The following MCTP1 variants were observed in gnomAD, a reference collection of about 807,000 sequenced individuals.
MCTP1 encodes multiple C2 and transmembrane domain containing 1.
Under a neutral mutation model 120.6 loss-of-function variants are expected in MCTP1, and 69 were observed. The ratio of observed to expected loss-of-function variants is 0.57; its 90% CI spans 0.47 to 0.70. The LOEUF is 0.70. Among genes scored for constraint, MCTP1 ranks in the 30% least tolerant of loss-of-function variants. The pLI, the probability that MCTP1 is intolerant of heterozygous loss-of-function variation, is 0.00. For synonymous variants in MCTP1, 529 were observed against 493.1 expected, an observed-to-expected ratio of 1.07 and a Z score of -0.96; for missense variants, 1,203 against 1,248.8, an observed-to-expected ratio of 0.96 and a Z score of 0.55.
At chr5:95,232,275 A>G (rs982428667) in intron 1 of MCTP1, among the ~76,000 whole-genome samples, 4 of 151,760 alleles carry the variant, frequency 2.6e-5, no homozygotes, top group African/African-American at 9.7e-5. Context: ...GGAAAGGAAG[A>G]AGACACAGGA....
intron 1 of MCTP1, among the ~76,000 whole-genome samples, chr5:95,218,581 T>C (rs1490099833): frequency 2.6e-5 from 4 of 152,216 alleles, no homozygotes; most frequent in Non-Finnish European, 4.4e-5. Context: ...CTTTCTATTC[T>C]TGTTTAAACA....
chr5:95,011,657 C>T (rs891575704), intron 2 of MCTP1, among the ~76,000 whole-genome samples: 1 of 152,032 alleles, frequency 6.6e-6, no homozygotes, highest in Non-Finnish European at 1.5e-5. Context: ...TGCTTGATTC[C>T]CCTTCTGCCA....
chr5:94,831,957 A>G (rs950035991), intron 17 of MCTP1, among the ~76,000 whole-genome samples: 1 of 152,188 alleles, frequency 6.6e-6, no homozygotes, highest in African/African-American at 2.4e-5. Context: ...GCTAGAGAGG[A>G]GGGAAAAAGA....
intron 10 of MCTP1, among the ~76,000 whole-genome samples, chr5:94,898,771 C>T (rs544967672): frequency 3.9e-5 from 6 of 152,268 alleles, no homozygotes; most frequent in Admixed American, 1.3e-4. Context: ...AGAAAAGTCC[C>T]GGGTTTGGGA....
At chr5:94,882,030 T>A (rs554733278) in intron 12 of MCTP1, among the ~76,000 whole-genome samples, 15 of 152,304 alleles carry the variant, frequency 9.8e-5, no homozygotes, top group African/African-American at 3.4e-4. Context: ...TAAACTCAAC[T>A]CAAATCCTAA....
At chr5:95,118,517 G>A (rs1757984719) in intron 1 of MCTP1, among the ~76,000 whole-genome samples, 1 of 151,986 alleles carries the variant, frequency 6.6e-6, no homozygotes, top group South Asian at 2.1e-4. Flanking sequence ...ACAAAATGAC[G>A]GGAGTAAGTC....
chr5:94,907,736 GA>G (rs1807300671), intron 10 of MCTP1, among the ~76,000 whole-genome samples: 1 of 150,568 alleles, frequency 6.6e-6, no homozygotes, highest in Admixed American at 6.6e-5. Context: ...TTTTAAATTG[GA>G]AAATTCTTAC....
Position 95,176,252 on chromosome 5 carries a change from T to C in MCTP1, c.720+107604A>G, listed in dbSNP as rs1582447826. Among the ~76,000 whole-genome samples the C allele has an allele frequency of 3.3e-5, 5 of 152,276 alleles. 1 individual carries two copies. Among genetic ancestry groups the C allele is most frequent in the Admixed American group, 3.3e-4 (5 of 15,302 alleles). On this transcript the variant is annotated intron_variant, in intron 1 of 22. Coordinates refer to ENST00000515393, the MANE Select transcript of MCTP1 (RefSeq NM_024717.7). ...AGAACGAGCAGTAGTAGGCCATGCG[T>C]GGTGGCTCACGCCTGTAATCCCAGA...
chr5:94,980,212 C>T (rs530524694), intron 2 of MCTP1, among the ~76,000 whole-genome samples: 2 of 152,228 alleles, frequency 1.3e-5, no homozygotes, highest in East Asian at 1.9e-4. Context: ...TTTCCCCCTA[C>T]TTTAACAACA....
chr5:95,211,369 C>G (rs576984789), intron 1 of MCTP1, among the ~76,000 whole-genome samples: 1 of 152,224 alleles, frequency 6.6e-6, no homozygotes, highest in Non-Finnish European at 1.5e-5. Context: ...AGGCTTTGTT[C>G]GTTTCTTTTT....
chr5:95,167,463 A>G (rs2152488681), intron 1 of MCTP1, among the ~76,000 whole-genome samples: 1 of 152,338 alleles, frequency 6.6e-6, no homozygotes, highest in African/African-American at 2.4e-5. Flanking sequence ...TTCTAGTTCT[A>G]GATCCCTGAG....
rs1837695096 is a variant in MCTP1 at position 95,019,108 on chromosome 5, A to G, written c.721-1624T>C. 1.3e-5 allele frequency among the ~76,000 whole-genome samples: 2 copies of G among 152,096 alleles called. 1 individual carries two copies. Among genetic ancestry groups the G allele is most frequent in the African/African-American group, 4.8e-5 (2 of 41,450 alleles). On this transcript the variant is annotated intron_variant, in intron 1 of 22. Transcript: ENST00000515393. ...ATGGGCACTTTTCTAGTCAATACATACAGATCTTTCTCTTTCAAATGTTCT... is the reference window on the plus strand; with the variant it reads ...ATGGGCACTTTTCTAGTCAATACATGCAGATCTTTCTCTTTCAAATGTTCT...
At chr5:94,959,935 G>A (rs1245725010) in intron 2 of MCTP1, among the ~76,000 whole-genome samples, 1 of 151,936 alleles carries the variant, frequency 6.6e-6, no homozygotes, top group Non-Finnish European at 1.5e-5. Flanking sequence ...ATTTTATATG[G>A]AACCAAAAAA....
In MCTP1 at chr5:94,991,590, C is replaced by T. The variant is rs1242176983; in HGVS notation, c.838+25777G>A. On this transcript the variant is annotated intron_variant, in intron 2 of 22. Transcript: ENST00000515393. ...GTGACATTTAAGAAGAAAACAGCAG[C>T]TTCATGCTTTAAAGAGTTTACGCCT... is the stretch of plus-strand genomic sequence containing the variant. Among the ~76,000 whole-genome samples, 9 of 152,098 alleles carry T rather than the reference C, an allele frequency of 5.9e-5. No homozygotes were observed. In the East Asian group the frequency reaches 1.5e-3, roughly 26 times the overall value.
At chr5:94,903,833 A>G (rs1199440330) in intron 10 of MCTP1, among the ~76,000 whole-genome samples, 1 of 152,226 alleles carries the variant, frequency 6.6e-6, no homozygotes, top group Non-Finnish European at 1.5e-5. Flanking sequence ...AATAACTCCA[A>G]CTGAATAAAA....
At chr5:95,256,785 G>A (rs1233826171) in intron 1 of MCTP1, among the ~76,000 whole-genome samples, 1 of 152,194 alleles carries the variant, frequency 6.6e-6, no homozygotes, top group African/African-American at 2.4e-5. Flanking sequence ...AAAGCAAGAC[G>A]AGGTGGTAAA....
intron 2 of MCTP1, among the ~76,000 whole-genome samples, chr5:94,984,491 C>T (rs534741540): frequency 2.3e-4 from 35 of 152,148 alleles, no homozygotes; most frequent in African/African-American, 8.2e-4. Context: ...TATTCAATAG[C>T]GCATATGAAC....
chr5:94,986,519 T>C (rs1031966758), intron 2 of MCTP1, among the ~76,000 whole-genome samples: 1 of 152,130 alleles, frequency 6.6e-6, no homozygotes. Context: ...TTTTTGTGTT[T>C]TTTGCTTTGA....
intron 19 of MCTP1, among the ~76,000 whole-genome samples, chr5:94,751,096 G>C (rs1301824322): frequency 2.6e-5 from 4 of 152,074 alleles, no homozygotes; most frequent in Non-Finnish European, 5.9e-5. Context: ...GCAAGGTGGA[G>C]GTTTTAACTA....
Sources: gnomAD v4.1 joint callset for allele counts (sites outside exome capture counted in the v4.1 genomes callset) on GRCh38, gnomAD v4.1.1 for gene constraint, MANE v1.5 for transcripts, NCBI Gene and HGNC (gene_info 2026-07-23, HGNC 2026-07-21) for gene names.